Variants in ARHGAP23 observed in about 807,000 individuals in gnomAD.
ARHGAP23 encodes rho GTPase-activating protein 23.
A neutral mutation model predicts 136.3 loss-of-function variants in ARHGAP23; 34 were observed. The observed-to-expected ratio is 0.25, with a 90% CI of 0.19 to 0.33. ARHGAP23 has a LOEUF of 0.33. Ranked by LOEUF, ARHGAP23 falls within the 10% of genes least tolerant of loss-of-function variation. The pLI, the probability that ARHGAP23 is intolerant of heterozygous loss-of-function variation, is 1.00. For missense variants in ARHGAP23, 1,808 were observed against 2,139.0 expected (o/e 0.85, Z 3.05); for synonymous variants, 832 against 920.5 (o/e 0.90, Z 1.74).
At chr17:38,450,621 T>C (rs1051113383) in intron 1 of ARHGAP23, 1 of 152,196 alleles carries the variant, frequency 6.6e-6, no homozygotes, top group Non-Finnish European at 1.5e-5. Context: ...TTCCTCGGGC[T>C]GGTCTCAAAC....
intron 18 of ARHGAP23, 119 bp from the exon 19 acceptor site, chr17:38,490,343 A>C: frequency 9.1e-7 from 1 of 1,101,180 alleles, no homozygotes; most frequent in South Asian, 1.4e-5. Flanking sequence ...GGGGGGTTAG[A>C]GGATAGGTTC....
chr17:38,443,116 G>A (rs1199545048), intron 1 of ARHGAP23, among the ~76,000 whole-genome samples: 1 of 152,248 alleles, frequency 6.6e-6, no homozygotes, highest in Admixed American at 6.5e-5. Context: ...GCCAGGGCCA[G>A]TACCAATGGC....
At chr17:38,464,290 C>CCACACACA (rs139399817) in intron 6 of ARHGAP23, among the ~76,000 whole-genome samples, 1 of 150,874 alleles carries the variant, frequency 6.6e-6, no homozygotes, top group African/African-American at 2.4e-5. Context: ...GCATACCCTT[C>CCACACACA]CACACACACA....
At chr17:38,454,382 G>C (rs1384007678) in intron 1 of ARHGAP23, among the ~76,000 whole-genome samples, 3 of 152,128 alleles carry the variant, frequency 2.0e-5, no homozygotes, top group South Asian at 2.1e-4. Context: ...AGGCCTCCAC[G>C]GGGCTCAGCC....
chr17:38,438,709 C>T (rs1597746746), intron 1 of ARHGAP23, among the ~76,000 whole-genome samples: 2 of 152,032 alleles, frequency 1.3e-5, no homozygotes, highest in African/African-American at 4.8e-5. Context: ...GTTGGCTGGG[C>T]GTGGTGGCTC....
At position 38,480,155 on chromosome 17, in the gene ARHGAP23, C is replaced by T. The variant is rs548291574; in HGVS notation, c.2629+272C>T. ...TGGTGTCTCTGCAGGGATGAGAGGC[C>T]CACCCTTTCCAAGAGCAACCTTTCC... On this transcript the variant is annotated intron_variant, in intron 14 of 23. Coordinates refer to ENST00000622683, the MANE Select transcript of ARHGAP23 (RefSeq NM_001199417.2). Among the ~76,000 whole-genome samples the T allele has an allele frequency of 2.6e-5, 4 of 152,110 alleles. No homozygotes were observed. In the East Asian group the frequency reaches 7.8e-4, roughly 30 times the overall value.
chr17:38,466,380 C>T lies in ARHGAP23; in HGVS notation c.697C>T (p.Pro233Ser). The change falls in exon 7 of 24, where the codon CCA becomes TCA. Residue 233 changes from proline to serine, a missense_variant. By Grantham distance (74) the Pro-to-Ser change is moderately conservative. Coordinates refer to ENST00000622683, the MANE Select transcript of ARHGAP23 (RefSeq NM_001199417.2). ...CTGGAGTGACCCGGGGCTCCGTGTG[C>T]CACCTGCTGCCCGTGCCCACCTGGA... ...AAWSDPGLRV[P>S]PAARAHLDNS... 6.5e-7 allele frequency: 1 copy of T among 1,535,736 alleles called. No individual in the cohort carries two copies. The highest frequency in any genetic ancestry group is 8.8e-7 in the Non-Finnish European group (1 of 1,142,606).
chr17:38,490,232 G>C, intron 18 of ARHGAP23, 57 bp downstream of exon 18: 1 of 1,507,192 alleles, frequency 6.6e-7, no homozygotes, highest in South Asian at 1.2e-5. Flanking sequence ...GAGCACCTCT[G>C]TCCCAGGAGG....
chr17:38,504,983 T>TC (rs2040600589), intron 23 of ARHGAP23, among the ~76,000 whole-genome samples: 1 of 26,770 alleles, frequency 3.7e-5, no homozygotes, highest in Non-Finnish European at 6.8e-5. Context: ...ATCATCTTTT[T>TC]TTTTTTTTTT....
intron 23 of ARHGAP23, among the ~76,000 whole-genome samples, chr17:38,506,613 C>G (rs145413286): frequency 6.6e-6 from 1 of 152,282 alleles, no homozygotes; most frequent in East Asian, 1.9e-4. Context: ...GCCACCTTCT[C>G]ACACTGTGTC....
At chr17:38,499,219 G>A (rs532213021) in intron 22 of ARHGAP23, among the ~76,000 whole-genome samples, 1 of 152,366 alleles carries the variant, frequency 6.6e-6, no homozygotes, top group South Asian at 2.1e-4. Context: ...CCCTCCTGCA[G>A]TGCCACAGAC....
Position 38,482,649 on chromosome 17 carries a change from G to A in ARHGAP23, c.2878G>A (p.Gly960Arg). 2 of 1,548,952 alleles carry A rather than the reference G, an allele frequency of 1.3e-6. No homozygotes were observed. Among genetic ancestry groups the A allele is most frequent in the Non-Finnish European group, 1.7e-6 (2 of 1,146,442 alleles). Residue 960 changes from glycine (G) to arginine (R), a missense_variant, in exon 16 of 24, where the codon GGG (glycine) becomes AGG (arginine). Physicochemically the swap from Gly to Arg is moderately radical, Grantham distance 125 (BLOSUM62 -2). This residue lies in a region of ARHGAP23 where 105 missense variants were observed against 200.6 expected (regional missense o/e 0.52). Transcript: ENST00000622683. The part of the protein sequence containing the change: ...VSSLQEQLNR[G>R]PGDINLQDER... ...CAGCCTACAGGAGCAGCTCAACCGC[G>A]GGCCTGGTGACATCAACCTGCAGGA...
At position 38,466,610 on chromosome 17, in the gene ARHGAP23, C is replaced by T; in HGVS notation, c.927C>T (p.Ala309=). ...RAGERRCPAM[A]PRARSASQDR... is the part of the protein sequence containing the mutation. ...GGGAGAGACGGTGCCCAGCCATGGC[C>T]CCCCGGGCCCGCAGCGCCTCCCAGG... The change falls in exon 7 of 24, where the codon GCC becomes GCT. Residue 309 remains alanine, a synonymous_variant. Transcript: ENST00000622683. 2 of 1,512,632 alleles carry T rather than the reference C, an allele frequency of 1.3e-6. No homozygotes were observed. The allele number at this position is 1,512,632 out of a possible 1,614,324, so 93.7% of individuals were successfully genotyped here.
At chr17:38,460,796 G>T in intron 2 of ARHGAP23, 109 bp from the exon 3 acceptor site, 2 of 1,533,964 alleles carry the variant, frequency 1.3e-6, no homozygotes, top group South Asian at 1.2e-5. Context: ...TACTTGGGAG[G>T]AGATAAGGGG....
In ARHGAP23 at chr17:38,497,805, C is replaced by T. The variant is rs776525039; in HGVS notation, c.3297C>T (p.Asp1099=). 5.1e-5 allele frequency: 79 copies of T among 1,551,118 alleles called. No homozygotes were observed. The highest frequency in any genetic ancestry group is 1.9e-4 in the South Asian group (16 of 84,040). ...TGCAGTCAGACTGGTTCTTCAGTGA[C>T]GAAGAGGACAAGGGAGAGAGAGTAA... ...LIQHSDWFFS[D]EEDKGERTPV... Residue 1099 remains aspartate, a synonymous_variant, in exon 21 of 24, where the codon GAC becomes GAT. Transcript: ENST00000622683.
intron 19 of ARHGAP23, 95 bp from the exon 20 acceptor site, chr17:38,491,312 G>C: frequency 6.7e-7 from 1 of 1,497,878 alleles, no homozygotes; most frequent in Non-Finnish European, 9.0e-7. Context: ...CTGGGGACTG[G>C]TGAGGATGTA....
intron 20 of ARHGAP23, chr17:38,491,805 G>A (rs2040285285): frequency 4.1e-6 from 2 of 485,974 alleles, no homozygotes; most frequent in Non-Finnish European, 7.4e-6. Flanking sequence ...GCCTGGGAAA[G>A]GTAGAAGAGG....
intron 10 of ARHGAP23, among the ~76,000 whole-genome samples, chr17:38,470,318 G>A (rs922302356): frequency 3.3e-5 from 5 of 152,154 alleles, no homozygotes; most frequent in Non-Finnish European, 5.9e-5. Flanking sequence ...TCCCTGCCTG[G>A]CTCCCCAGCT....
intron 1 of ARHGAP23, among the ~76,000 whole-genome samples, chr17:38,423,155 C>A (rs1192766653): frequency 1.3e-5 from 2 of 152,116 alleles, no homozygotes; most frequent in African/African-American, 4.8e-5. Context: ...TCCCTCCCTA[C>A]CACCCAACAC....
Sources: allele counts gnomAD v4.1 joint callset (sites outside exome capture counted in the v4.1 genomes callset), GRCh38; gene constraint gnomAD v4.1.1; regional missense constraint gnomAD v4.1.1; transcripts MANE v1.5; gene names NCBI Gene and HGNC (gene_info 2026-07-23, HGNC 2026-07-21).